The following FMN2 variants were observed in gnomAD, a reference collection of about 807,000 sequenced individuals.
FMN2 encodes formin-2.
A neutral mutation model predicts 142.3 loss-of-function variants in FMN2; 51 were observed. The ratio of observed to expected loss-of-function variants is 0.36; its 90% CI spans 0.29 to 0.45. FMN2 has a LOEUF of 0.45. FMN2 is among the 20% of genes least tolerant of loss of function. The probability of loss-of-function intolerance (pLI) is 1.00; values close to 1 mark genes in which losing one functional copy is unlikely to be tolerated. For missense variants in FMN2, 1,936 were observed against 2,122.8 expected, an observed-to-expected ratio of 0.91 and a Z score of 1.73; for synonymous variants, 882 against 869.8, an observed-to-expected ratio of 1.01 and a Z score of -0.25.
At chr1:240,239,158 A>C (rs1473258574) in intron 6 of FMN2, among the ~76,000 whole-genome samples, 1 of 152,210 alleles carries the variant, frequency 6.6e-6, no homozygotes, top group Non-Finnish European at 1.5e-5. Context: ...TGGCCACTTT[A>C]GAAAAACTTT....
At chr1:240,282,950 G>A (rs73122310) in intron 7 of FMN2, among the ~76,000 whole-genome samples, 3,421 of 152,224 alleles carry the variant, frequency 0.022, 132 homozygotes, top group African/African-American at 0.078. Context: ...GCCCAGGTGT[G>A]CAGATTTTCA....
chr1:240,340,237 C>T (rs1325517521), intron 13 of FMN2, among the ~76,000 whole-genome samples: 3 of 151,922 alleles, frequency 2.0e-5, no homozygotes, highest in Non-Finnish European at 4.4e-5. Flanking sequence ...TCTTATATTC[C>T]TCCCCCCTCC....
chr1:240,256,990 C>T (rs556676181), intron 6 of FMN2, among the ~76,000 whole-genome samples: 1 of 152,314 alleles, frequency 6.6e-6, no homozygotes, highest in African/African-American at 2.4e-5. Flanking sequence ...TACAAAGATG[C>T]AATAGCTGTT....
intron 1 of FMN2, among the ~76,000 whole-genome samples, chr1:240,109,822 A>G (rs1228729846): frequency 6.6e-6 from 1 of 152,172 alleles, no homozygotes; most frequent in Non-Finnish European, 1.5e-5. Context: ...CATCTCTTCT[A>G]CAAGAGTATG....
intron 7 of FMN2, among the ~76,000 whole-genome samples, chr1:240,260,290 A>G (rs1465449722): frequency 2.0e-5 from 3 of 152,190 alleles, no homozygotes; most frequent in South Asian, 2.1e-4. Flanking sequence ...GCTGGATCCA[A>G]TGGCAGTTCT....
chr1:240,097,193 A>G (rs201938019), intron 1 of FMN2, among the ~76,000 whole-genome samples: 1 of 152,100 alleles, frequency 6.6e-6, no homozygotes, highest in East Asian at 1.9e-4. Context: ...GCTTAATGTC[A>G]TCTTCAGGCA....
At chr1:240,122,571 C>G (rs1411106964) in intron 1 of FMN2, among the ~76,000 whole-genome samples, 1 of 152,068 alleles carries the variant, frequency 6.6e-6, no homozygotes. Context: ...GTGTGAGCCA[C>G]CATGTCTGGC....
At chr1:240,417,380 C>T (rs74415533) in intron 15 of FMN2, among the ~76,000 whole-genome samples, 3,497 of 151,730 alleles carry the variant, frequency 0.023, 121 homozygotes, top group African/African-American at 0.08. Flanking sequence ...CAACTGAGGA[C>T]ACTATCAATG....
chr1:240,380,249 A>G (rs1450766504), intron 14 of FMN2, among the ~76,000 whole-genome samples: 3 of 152,214 alleles, frequency 2.0e-5, no homozygotes, highest in Non-Finnish European at 4.4e-5. Flanking sequence ...GCAAGTTTCA[A>G]TGAATTTTTT....
chr1:240,356,653 A>G (rs1672282446), intron 14 of FMN2, among the ~76,000 whole-genome samples: 1 of 152,186 alleles, frequency 6.6e-6, no homozygotes, highest in Admixed American at 6.5e-5. Flanking sequence ...TAAAGATCAG[A>G]TTTATATCAT....
intron 1 of FMN2, among the ~76,000 whole-genome samples, chr1:240,106,975 T>C (rs1448576337): frequency 1.3e-5 from 2 of 151,590 alleles, no homozygotes; most frequent in Non-Finnish European, 2.9e-5. Context: ...TGAGCCACCA[T>C]GCCCGGCCTT....
At chr1:240,321,267 C>A (rs1304711940) in intron 8 of FMN2, among the ~76,000 whole-genome samples, 1 of 151,840 alleles carries the variant, frequency 6.6e-6, no homozygotes, top group Non-Finnish European at 1.5e-5. Context: ...CCAGTTACGT[C>A]AAGGAAAACC....
chr1:240,427,264 A>AGT (rs1425776413), intron 15 of FMN2, among the ~76,000 whole-genome samples: 3 of 150,600 alleles, frequency 2.0e-5, no homozygotes, highest in African/African-American at 7.3e-5. Flanking sequence ...GGAGTGCAGT[A>AGT]GTGCTATCTC....
chr1:240,318,772 A>C (rs546159221), intron 8 of FMN2, among the ~76,000 whole-genome samples: 4 of 152,312 alleles, frequency 2.6e-5, no homozygotes, highest in South Asian at 4.1e-4. Context: ...ATATTAGAAT[A>C]GTTGAGTTGA....
At chr1:240,442,961 T>C (rs1206409480) in intron 16 of FMN2, among the ~76,000 whole-genome samples, 2 of 152,242 alleles carry the variant, frequency 1.3e-5, no homozygotes, top group African/African-American at 4.8e-5. Flanking sequence ...AGTGTTATCA[T>C]GTAGACTAAA....
intron 4 of FMN2, among the ~76,000 whole-genome samples, chr1:240,202,127 C>T (rs1025016664): frequency 1.3e-5 from 2 of 152,166 alleles, no homozygotes; most frequent in East Asian, 1.9e-4. Context: ...AATCTAGCTG[C>T]AAGGGAGTCT....
At chr1:240,395,099 G>A (rs189815547) in intron 15 of FMN2, among the ~76,000 whole-genome samples, 36 of 152,242 alleles carry the variant, frequency 2.4e-4, no homozygotes, top group African/African-American at 8.4e-4. Context: ...GAAAATGCTA[G>A]GGCCCATAGG....
At chr1:240,461,218 A>G (rs1676439203) in intron 16 of FMN2, among the ~76,000 whole-genome samples, 1 of 152,216 alleles carries the variant, frequency 6.6e-6, no homozygotes, top group East Asian at 1.9e-4. Context: ...CTGGACTTGA[A>G]CTACTACAAG....
At chr1:240,425,046 A>G (rs536319517) in intron 15 of FMN2, among the ~76,000 whole-genome samples, 21 of 152,344 alleles carry the variant, frequency 1.4e-4, no homozygotes, top group Middle Eastern at 3.4e-3. Context: ...AGCCATAGTT[A>G]TCACACATAG....
Sources: gnomAD v4.1 joint callset for allele counts (sites outside exome capture counted in the v4.1 genomes callset) on GRCh38, gnomAD v4.1.1 for gene constraint, MANE v1.5 for transcripts, NCBI Gene and HGNC (gene_info 2026-07-23, HGNC 2026-07-21) for gene names.